Variants in ZFP41 observed in about 807,000 individuals in gnomAD.
The protein encoded by ZFP41 is ZFP41 zinc finger protein.
Under a neutral mutation model 11.6 loss-of-function variants are expected in ZFP41, and 10 were observed. That is an observed-to-expected ratio of 0.86 (90% CI 0.53 to 1.47). The LOEUF is 1.47. ZFP41 is among the 40% of genes most tolerant of loss of function. The pLI is 0.00. For synonymous variants in ZFP41, 123 were observed against 100.9 expected, an observed-to-expected ratio of 1.22 and a Z score of -1.31; for missense variants, 302 against 264.6, an observed-to-expected ratio of 1.14 and a Z score of -0.98.
chr8:143,247,208 G>T (rs760691151), intron 1 of ZFP41, 66 bp downstream of exon 1: 1 of 152,806 alleles, frequency 6.5e-6, no homozygotes, highest in Admixed American at 6.5e-5. Context: ...GGGCCCCGCC[G>T]CCTCCCCGCA....
At chr8:143,254,677 G>T (rs1337047749) in intron 2 of ZFP41, among the ~76,000 whole-genome samples, 7 of 137,106 alleles carry the variant, frequency 5.1e-5, no homozygotes, top group Non-Finnish European at 9.1e-5. Context: ...TCTGTTGCCA[G>T]GCTGGAGTGC....
In ZFP41 at chr8:143,250,575, A is replaced by T; in HGVS notation, c.*135A>T. On this transcript the variant is annotated 3_prime_UTR_variant, in exon 2 of 3. Transcript: ENST00000330701. ...TGTTCCGTGCCCTGGGGACCCCCGG[A>T]AAAGCAGCCCAGTCAGATGTGGGAA... 2 of 1,410,458 alleles carry T rather than the reference A, an allele frequency of 1.4e-6. No individual in the cohort carries two copies. Among genetic ancestry groups the T allele is most frequent in the Non-Finnish European group, 1.9e-6 (2 of 1,050,704 alleles). 87.4% of individuals were successfully genotyped at this position (1,410,458 alleles called of 1,614,324 possible).
At chr8:143,255,203 T>C (rs905760819) in intron 2 of ZFP41, among the ~76,000 whole-genome samples, 2 of 152,192 alleles carry the variant, frequency 1.3e-5, no homozygotes, top group Non-Finnish European at 2.9e-5. Context: ...AGAGCATAGC[T>C]CTCAAGTCAG....
In ZFP41 at chr8:143,249,978, G is replaced by A. The variant is rs140264131; in HGVS notation, c.135G>A (p.Lys45=). 185 of 1,614,132 alleles carry A rather than the reference G, an allele frequency of 1.1e-4. No homozygotes were observed. The highest frequency in any genetic ancestry group is 5.2e-4 in the African/African-American group (39 of 75,070). The stretch of plus-strand genomic sequence containing the variant: ...CTGAGAGGCCCACTGTGCCCAGGAA[G>A]CCCCGCACAGAGCCCTGCCTGAGTC... The part of the protein sequence containing the change: ...KPPERPTVPR[K]PRTEPCLSPE... The change falls in exon 2 of 3, where the codon AAG becomes AAA. Residue 45 remains lysine (K), a synonymous_variant. Transcript: ENST00000330701.
rs761245753 is a variant in ZFP41, at chr8:143,250,108, T to G, written c.265T>G (p.Cys89Gly). The part of the protein sequence containing the change: ...IPFQRKKPYE[C>G]SECGRIFKHK... ...TTTTCAGAGGAAGAAACCCTATGAG[T>G]GCAGTGAGTGTGGGCGGATCTTTAA... Residue 89 changes from cysteine (C) to glycine (G), a missense_variant, in exon 2 of 3, where the codon TGC (cysteine) becomes GGC (glycine). By Grantham distance (159) the Cys-to-Gly change is radical. Coordinates refer to ENST00000330701, the MANE Select transcript of ZFP41 (RefSeq NM_173832.6). 1 of 1,614,058 alleles carries G rather than the reference T, an allele frequency of 6.2e-7. No homozygotes were observed. The highest frequency in any genetic ancestry group is 8.5e-7 in the Non-Finnish European group (1 of 1,180,012).
At chr8:143,253,018 T>C (rs1814812880) in intron 2 of ZFP41, 1 of 152,236 alleles carries the variant, frequency 6.6e-6, no homozygotes, top group African/African-American at 2.4e-5. Flanking sequence ...AATGGACATA[T>C]CAGGAGGTGA....
In ZFP41 at chr8:143,250,017, G is replaced by A; in HGVS notation, c.174G>A (p.Glu58=). ...CCTGCCTGAGTCCTGAAGACGAAGA[G>A]CACGTCTTTGATGCCTTCGACGCTT... ...TEPCLSPEDE[E]HVFDAFDASF... is the part of the protein sequence containing the mutation. The change falls in exon 2 of 3, where the codon GAG becomes GAA. Residue 58 remains glutamate, a synonymous_variant. Transcript: ENST00000330701. The A allele has an allele frequency of 1.2e-6, 2 of 1,614,194 alleles. No homozygotes were observed. The highest frequency in any genetic ancestry group is 1.7e-6 in the Non-Finnish European group (2 of 1,180,034).
At chr8:143,255,571 G>A (rs7387091) in intron 2 of ZFP41, among the ~76,000 whole-genome samples, 29,044 of 101,482 alleles carry the variant, frequency 0.29, 7,592 homozygotes, top group East Asian at 0.66. Context: ...CCCGCGTGCT[G>A]GTGTTCTTGA....
At chr8:143,253,866 G>A (rs1814840419) in intron 2 of ZFP41, among the ~76,000 whole-genome samples, 1 of 151,922 alleles carries the variant, frequency 6.6e-6, no homozygotes, top group African/African-American at 2.4e-5. Flanking sequence ...TGGCACCTGG[G>A]ACCAGTTTTT....
At chr8:143,259,168 C>T (rs1463204268) in intron 2 of ZFP41, among the ~76,000 whole-genome samples, 1 of 152,254 alleles carries the variant, frequency 6.6e-6, no homozygotes, top group African/African-American at 2.4e-5. Context: ...AGTGGCCACG[C>T]AGCTAGCCAG....
Position 143,261,684 on chromosome 8 carries a change from C to G in ZFP41, c.*2810C>G, listed in dbSNP as rs887610491. On this transcript the variant is annotated 3_prime_UTR_variant, in exon 3 of 3. Coordinates refer to ENST00000330701, the MANE Select transcript of ZFP41 (RefSeq NM_173832.6). Reference sequence around the variant, plus strand: ...CTAACGCTGCTGTCTCGCAGTCACCCCTGCAGGCCGCTCAGGGCAGGGCTC... The same window carrying G: ...CTAACGCTGCTGTCTCGCAGTCACCGCTGCAGGCCGCTCAGGGCAGGGCTC... The G allele has an allele frequency of 2.4e-5, 4 of 163,286 alleles. No homozygotes were observed. Among genetic ancestry groups the G allele is most frequent in the Non-Finnish European group, 5.3e-5 (4 of 75,386 alleles). 10.1% of individuals were successfully genotyped at this position (163,286 alleles called of 1,614,324 possible). A position where few individuals can be genotyped will look rare whatever the true frequency, so the allele number is the denominator to read the frequency against.
chr8:143,252,075 G>A (rs112512223), intron 2 of ZFP41, among the ~76,000 whole-genome samples: 224 of 152,370 alleles, frequency 1.5e-3, no homozygotes, highest in African/African-American at 5.1e-3. Flanking sequence ...TGCACTGACA[G>A]ATGTGTCTCC....
chr8:143,259,185 C>T (rs182744101), intron 2 of ZFP41, among the ~76,000 whole-genome samples: 64 of 152,350 alleles, frequency 4.2e-4, no homozygotes, highest in Admixed American at 6.5e-4. Context: ...CCAGGACCCA[C>T]GTCAACCCCT....
intron 2 of ZFP41, among the ~76,000 whole-genome samples, chr8:143,254,477 G>T (rs1335292670): frequency 6.6e-6 from 1 of 152,214 alleles, no homozygotes; most frequent in African/African-American, 2.4e-5. Context: ...TGTCTGTCGG[G>T]ATGTGCCACA....
rs1814734943 is a variant in ZFP41, at chr8:143,251,034, C to T, written c.*594C>T. On this transcript the variant is annotated 3_prime_UTR_variant, in exon 2 of 3. Coordinates refer to ENST00000330701, the MANE Select transcript of ZFP41 (RefSeq NM_173832.6). ...CCTCTGTGCCCCAACTGTGCTTGGT[C>T]CTCTGGCTTCTCTCCTCCTGCTGGA... is the stretch of plus-strand genomic sequence containing the variant. 5.9e-6 allele frequency: 1 copy of T among 169,264 alleles called. No homozygotes were observed. The highest frequency in any genetic ancestry group is 2.0e-4 in the South Asian group (1 of 4,976). 10.5% of individuals were successfully genotyped at this position (169,264 alleles called of 1,614,324 possible).
intron 2 of ZFP41, among the ~76,000 whole-genome samples, chr8:143,252,484 C>T (rs917773594): frequency 6.6e-6 from 1 of 152,344 alleles, no homozygotes; most frequent in South Asian, 2.1e-4. Flanking sequence ...GTTCTGCTCT[C>T]GGGACCACAC....
chr8:143,259,859 C>G lies in ZFP41; in HGVS notation c.*985C>G, dbSNP rs555630894. ...AGCCTCAAAACTAACAAAAAAGATT[C>G]GCACATTCCTCAGTTAGAGGAGGAG... On this transcript the variant is annotated 3_prime_UTR_variant, in exon 3 of 3. Transcript: ENST00000330701. 6.6e-6 allele frequency: 1 copy of G among 152,284 alleles called. No individual in the cohort carries two copies. The highest frequency in any genetic ancestry group is 1.5e-5 in the Non-Finnish European group (1 of 68,086). 9.4% of individuals were successfully genotyped at this position (152,284 alleles called of 1,614,324 possible).
At position 143,250,554 on chromosome 8, in the gene ZFP41, C is replaced by G; in HGVS notation, c.*114C>G. The G allele has an allele frequency of 6.7e-7, 1 of 1,499,660 alleles. No homozygotes were observed. The highest frequency in any genetic ancestry group is 1.3e-5 in the South Asian group (1 of 74,088). 92.9% of individuals were successfully genotyped at this position (1,499,660 alleles called of 1,614,324 possible). On this transcript the variant is annotated 3_prime_UTR_variant, in exon 2 of 3. Coordinates refer to ENST00000330701, the MANE Select transcript of ZFP41 (RefSeq NM_173832.6). ...GGCGCAGGGCCGTGCGCACTGTGTT[C>G]CGTGCCCTGGGGACCCCCGGAAAAG...
chr8:143,255,694 G>A (rs28537517), intron 2 of ZFP41, among the ~76,000 whole-genome samples: 3 of 121,056 alleles, frequency 2.5e-5, no homozygotes, highest in Admixed American at 8.4e-5. Flanking sequence ...ATCAGGGCTC[G>A]CCCCGCGTGC....
Sources: gnomAD v4.1 joint callset for allele counts (sites outside exome capture counted in the v4.1 genomes callset) on GRCh38, gnomAD v4.1.1 for gene constraint, MANE v1.5 for transcripts, NCBI Gene and HGNC (gene_info 2026-07-23, HGNC 2026-07-21) for gene names.